The following GAB1 variants were observed in gnomAD, a reference collection of about 807,000 sequenced individuals.
GAB1 encodes GRB2-associated-binding protein 1.
GAB1 carries 19 observed loss-of-function variants against 66.5 expected under a neutral mutation model. That is an observed-to-expected ratio of 0.29 (90% CI 0.20 to 0.42). The LOEUF (loss-of-function observed/expected upper bound fraction) is 0.42, where lower values mean the gene tolerates loss of function less well. Among genes scored for constraint, GAB1 ranks in the 10% least tolerant of loss-of-function variants. The pLI, the probability that GAB1 is intolerant of heterozygous loss-of-function variation, is 1.00. For synonymous variants in GAB1, 294 were observed against 301.4 expected, an observed-to-expected ratio of 0.98 and a Z score of 0.25; for missense variants, 732 against 858.5, an observed-to-expected ratio of 0.85 and a Z score of 1.84.
At chr4:143,354,765 C>G (rs1729375607) in intron 1 of GAB1, among the ~76,000 whole-genome samples, 1 of 152,142 alleles carries the variant, frequency 6.6e-6, no homozygotes, top group Admixed American at 6.5e-5. Flanking sequence ...TTTTAATACT[C>G]AGAGATTTCC....
intron 9 of GAB1, among the ~76,000 whole-genome samples, chr4:143,468,473 A>T (rs1735915445): frequency 6.6e-6 from 1 of 151,494 alleles, no homozygotes; most frequent in Non-Finnish European, 1.5e-5. Context: ...TTGGCTTCCC[A>T]AAGTGCTGGG....
At chr4:143,356,592 T>G (rs1353078998) in intron 1 of GAB1, among the ~76,000 whole-genome samples, 3 of 152,192 alleles carry the variant, frequency 2.0e-5, no homozygotes, top group Non-Finnish European at 4.4e-5. Context: ...TATTTTAAAT[T>G]GGCAGTTGCT....
In GAB1 at chr4:143,471,082, G is replaced by A. The variant is rs901206664; in HGVS notation, c.*1893G>A. 2.8e-4 allele frequency: 42 copies of A among 152,168 alleles called. No homozygotes were observed. The highest frequency in any genetic ancestry group is 9.4e-4 in the African/African-American group (39 of 41,450). The allele number at this position is 152,168 out of a possible 1,614,324, so 9.4% of individuals were successfully genotyped here. On this transcript the variant is annotated 3_prime_UTR_variant, in exon 10 of 10. Transcript: ENST00000262994. ...CACGATACAGCTAATGTGTAAAGATGCTAAATTCTGTTACTTGGAGGATGA... is the reference window on the plus strand; with the variant it reads ...CACGATACAGCTAATGTGTAAAGATACTAAATTCTGTTACTTGGAGGATGA...
intron 2 of GAB1, among the ~76,000 whole-genome samples, chr4:143,427,535 T>TAAA (rs797018263): frequency 2.1e-5 from 3 of 144,398 alleles, no homozygotes; most frequent in Non-Finnish European, 3.1e-5. Flanking sequence ...GCCTGACTGG[T>TAAA]AAAAAAAAAA....
chr4:143,374,201 G>A (rs2149670206), intron 1 of GAB1, among the ~76,000 whole-genome samples: 1 of 152,140 alleles, frequency 6.6e-6, no homozygotes, highest in Non-Finnish European at 1.5e-5. Context: ...TTTGGTGGCA[G>A]CATGACTTTC....
chr4:143,433,778 G>A, intron 3 of GAB1, 62 bp downstream of exon 3: 1 of 1,301,408 alleles, frequency 7.7e-7, no homozygotes, highest in Non-Finnish European at 1.1e-6. Context: ...TACACACTGA[G>A]ATTCTTACCT....
At chr4:143,453,655 T>C (rs1419089057) in intron 6 of GAB1, among the ~76,000 whole-genome samples, 3 of 152,160 alleles carry the variant, frequency 2.0e-5, no homozygotes, top group Non-Finnish European at 4.4e-5. Flanking sequence ...GAACTTACTG[T>C]ATACAAAAGC....
At chr4:143,354,537 T>G (rs1729364734) in intron 1 of GAB1, among the ~76,000 whole-genome samples, 1 of 152,124 alleles carries the variant, frequency 6.6e-6, no homozygotes, top group Non-Finnish European at 1.5e-5. Context: ...GGTTACAAAA[T>G]ATTAGGTAAG....
chr4:143,453,809 T>A (rs1215429644), intron 6 of GAB1, among the ~76,000 whole-genome samples: 1 of 152,198 alleles, frequency 6.6e-6, no homozygotes, highest in Non-Finnish European at 1.5e-5. Flanking sequence ...TGTGTGACTC[T>A]GGGCAAGTTA....
intron 1 of GAB1, among the ~76,000 whole-genome samples, chr4:143,364,285 C>G (rs553211166): frequency 6.6e-6 from 1 of 151,840 alleles, no homozygotes; most frequent in African/African-American, 2.4e-5. Flanking sequence ...TTCCTTCCTA[C>G]GTGCATGGGC....
intron 9 of GAB1, among the ~76,000 whole-genome samples, chr4:143,467,104 A>C (rs1324921834): frequency 2.0e-5 from 3 of 152,156 alleles, no homozygotes; most frequent in Admixed American, 6.5e-5. Flanking sequence ...TTTTTGTATA[A>C]CTTAAATGTC....
chr4:143,453,345 G>C (rs1001976807), intron 6 of GAB1, among the ~76,000 whole-genome samples: 4 of 151,946 alleles, frequency 2.6e-5, no homozygotes, highest in Non-Finnish European at 5.9e-5. Context: ...GAATACCCTA[G>C]AAAAGGAGTA....
At chr4:143,365,497 A>G (rs573949801) in intron 1 of GAB1, among the ~76,000 whole-genome samples, 5 of 152,286 alleles carry the variant, frequency 3.3e-5, no homozygotes, top group Admixed American at 3.3e-4. Flanking sequence ...TGAGTGAGGC[A>G]TGAAAGGGGG....
rs1293920321 is a variant in GAB1 at position 143,433,597 on chromosome 4, A to G, written c.474A>G (p.Leu158=). 23 of 1,613,674 alleles carry G rather than the reference A, an allele frequency of 1.4e-5. No homozygotes were observed. Among genetic ancestry groups the G allele is most frequent in the East Asian group, 2.2e-5 (1 of 44,884 alleles). Reference sequence around the variant, plus strand: ...AGGCAGATTCATCCTCTGCTACTCTACCTCCTCCATATCAGCTAATCAATG... The same window carrying G: ...AGGCAGATTCATCCTCTGCTACTCTGCCTCCTCCATATCAGCTAATCAATG... ...STQADSSSAT[L]PPPYQLINVP... is the part of the protein sequence containing the mutation. Residue 158 remains leucine, a synonymous_variant, in exon 3 of 10, where the codon CTA becomes CTG. Transcript: ENST00000262994.
Position 143,346,025 on chromosome 4 carries a change from T to C in GAB1, c.72+8765T>C, listed in dbSNP as rs75250278. 1.7e-3 allele frequency among the ~76,000 whole-genome samples: 256 copies of C among 152,342 alleles called. 2 individuals carry two copies. The highest frequency in any genetic ancestry group is 6.0e-3 in the African/African-American group (248 of 41,580). On this transcript the variant is annotated intron_variant, in intron 1 of 9. Coordinates refer to ENST00000262994, the MANE Select transcript of GAB1 (RefSeq NM_002039.4). The stretch of plus-strand genomic sequence containing the variant: ...TTTAACTCATTAGCCAGCCAGTTGT[T>C]GTAACATTTTATTTGCTAACTTTTT...
At position 143,409,398 on chromosome 4, in the gene GAB1, C is replaced by T. The variant is rs558036481; in HGVS notation, c.73-6079C>T. Among the ~76,000 whole-genome samples the T allele has an allele frequency of 3.8e-4, 54 of 143,226 alleles. 2 individuals carry two copies. The highest frequency in any genetic ancestry group is 3.4e-3 in the South Asian group (14 of 4,158). The allele number at this position is 143,226 out of a possible 152,430, so 94.0% of individuals were successfully genotyped here. A position where few individuals can be genotyped will look rare whatever the true frequency, so the allele number is the denominator to read the frequency against. Reference sequence around the variant, plus strand: ...CAACTTTGAACTTTCCCCCCCCCCGCTCTGAAATCTTTTCATTTAGTCTCA... The same window carrying T: ...CAACTTTGAACTTTCCCCCCCCCCGTTCTGAAATCTTTTCATTTAGTCTCA... On this transcript the variant is annotated intron_variant, in intron 1 of 9. Transcript: ENST00000262994.
intron 1 of GAB1, among the ~76,000 whole-genome samples, chr4:143,338,204 T>C (rs1728722173): frequency 6.6e-6 from 1 of 152,228 alleles, no homozygotes; most frequent in Non-Finnish European, 1.5e-5. Context: ...TTCCTCCCCA[T>C]TGGTTGTTTT....
Position 143,469,566 on chromosome 4 carries a change from C to T in GAB1, c.*377C>T, listed in dbSNP as rs1735983416. ...TTTTTTGTCACACTACTTTATATAA[C>T]AATACTAAGTCAACTAAGCTACTTT... On this transcript the variant is annotated 3_prime_UTR_variant, in exon 10 of 10. Transcript: ENST00000262994. 1 of 174,780 alleles carries T rather than the reference C, an allele frequency of 5.7e-6. No individual in the cohort carries two copies. Among genetic ancestry groups the T allele is most frequent in the African/African-American group, 2.4e-5 (1 of 42,424 alleles). The allele number at this position is 174,780 out of a possible 1,614,324, so 10.8% of individuals were successfully genotyped here. A position where few individuals can be genotyped will look rare whatever the true frequency, so the allele number is the denominator to read the frequency against.
chr4:143,462,568 AT>A (rs34826439), intron 8 of GAB1, among the ~76,000 whole-genome samples: 36,686 of 148,720 alleles, frequency 0.25, 4,717 homozygotes, highest in Non-Finnish European at 0.31. Flanking sequence ...TCAAAATACA[AT>A]TTTTTTTTTT....
Sources: gnomAD v4.1 joint callset for allele counts (sites outside exome capture counted in the v4.1 genomes callset) on GRCh38, gnomAD v4.1.1 for gene constraint, MANE v1.5 for transcripts, NCBI Gene and HGNC (gene_info 2026-07-23, HGNC 2026-07-21) for gene names.